The following PRSS23 variants were observed in gnomAD, a reference collection of about 807,000 sequenced individuals.
The protein encoded by PRSS23 is protease, serine 23.
PRSS23 carries 25 observed loss-of-function variants against 34.7 expected under a neutral mutation model. The observed-to-expected ratio is 0.72, with a 90% CI of 0.53 to 1.01. PRSS23 has a LOEUF of 1.01. PRSS23 is among the 50% of genes least tolerant of loss of function. The pLI is 0.00. For missense variants in PRSS23, 445 were observed against 475.6 expected (o/e 0.94, Z 0.60); for synonymous variants, 176 against 186.6 (o/e 0.94, Z 0.46).
At chr11:86,847,100 C>G (rs1364927884) in intron 2 of PRSS23, among the ~76,000 whole-genome samples, 2 of 152,098 alleles carry the variant, frequency 1.3e-5, no homozygotes, top group Non-Finnish European at 2.9e-5. Flanking sequence ...ATACTGGTAC[C>G]ACCTTGAGAG....
chr11:86,803,734 T>C (rs941347800), intron 1 of PRSS23, among the ~76,000 whole-genome samples: 2 of 152,076 alleles, frequency 1.3e-5, no homozygotes, highest in African/African-American at 4.8e-5. Context: ...AAAGCTGCCT[T>C]CTGCTGGAGT....
intron 2 of PRSS23, among the ~76,000 whole-genome samples, chr11:86,908,495 C>G (rs1225378330): frequency 6.6e-6 from 1 of 152,182 alleles, no homozygotes; most frequent in African/African-American, 2.4e-5. Flanking sequence ...AAGAAATGCC[C>G]TTGGGCTGTC....
At chr11:86,916,492 A>G (rs1949013619) in intron 2 of PRSS23, among the ~76,000 whole-genome samples, 1 of 152,180 alleles carries the variant, frequency 6.6e-6, no homozygotes, top group African/African-American at 2.4e-5. Context: ...TTCTTCATTT[A>G]CTTTGGGTGG....
intron 2 of PRSS23, among the ~76,000 whole-genome samples, chr11:86,859,700 A>G (rs1948599441): frequency 1.3e-5 from 2 of 151,962 alleles, no homozygotes; most frequent in Admixed American, 1.3e-4. Flanking sequence ...CAGAAAGTGT[A>G]CACCCCCCCT....
intron 2 of PRSS23, among the ~76,000 whole-genome samples, chr11:86,907,045 G>A (rs988137645): frequency 6.6e-6 from 1 of 152,156 alleles, no homozygotes; most frequent in Non-Finnish European, 1.5e-5. Flanking sequence ...AATGAGCTGC[G>A]TTGTTTTTAT....
chr11:86,851,077 A>G (rs1042728153), intron 2 of PRSS23, among the ~76,000 whole-genome samples: 6 of 152,226 alleles, frequency 3.9e-5, no homozygotes, highest in African/African-American at 1.4e-4. Context: ...ACCCCTTGCC[A>G]TACAGATAAG....
chr11:86,800,378 T>C, upstream of PRSS23: 1 of 915,634 alleles, frequency 1.1e-6, no homozygotes, highest in Non-Finnish European at 1.3e-6. Context: ...TGCTCCACCC[T>C]GCTCCGGCCG....
intron 2 of PRSS23, among the ~76,000 whole-genome samples, chr11:86,906,037 A>C (rs1948939709): frequency 1.3e-5 from 2 of 152,184 alleles, no homozygotes; most frequent in Non-Finnish European, 2.9e-5. Context: ...TTATCTTGAG[A>C]GCCTACTCCA....
At chr11:86,854,077 T>C (rs1948551145) in intron 2 of PRSS23, among the ~76,000 whole-genome samples, 1 of 152,164 alleles carries the variant, frequency 6.6e-6, no homozygotes, top group African/African-American at 2.4e-5. Context: ...CTCGGCTCAC[T>C]GCAAGCTCCG....
intron 2 of PRSS23, among the ~76,000 whole-genome samples, chr11:86,916,734 AG>A (rs1949015417): frequency 6.6e-6 from 1 of 152,054 alleles, no homozygotes; most frequent in Admixed American, 6.5e-5. Context: ...AGGAATGTGT[AG>A]GGGCCTCCCA....
At chr11:86,857,362 A>T (rs1270855447) in intron 2 of PRSS23, 1 of 272,298 alleles carries the variant, frequency 3.7e-6, no homozygotes, top group African/African-American at 2.3e-5. Flanking sequence ...AGACAAAAGG[A>T]TCCCTGAAAT....
chr11:86,860,034 G>A (rs754454528), intron 2 of PRSS23, among the ~76,000 whole-genome samples: 12 of 151,916 alleles, frequency 7.9e-5, no homozygotes, highest in Non-Finnish European at 1.6e-4. Flanking sequence ...AAGGGGGAGA[G>A]GATAATATTA....
intron 2 of PRSS23, among the ~76,000 whole-genome samples, chr11:86,898,818 C>A (rs901244319): frequency 2.6e-5 from 4 of 152,188 alleles, no homozygotes; most frequent in African/African-American, 9.7e-5. Context: ...ATGGAGAAAA[C>A]AAGGCACACC....
intron 2 of PRSS23, among the ~76,000 whole-genome samples, chr11:86,834,064 A>G (rs1357713536): frequency 1.3e-5 from 2 of 152,176 alleles, no homozygotes; most frequent in Non-Finnish European, 2.9e-5. Flanking sequence ...TCGATTCTGG[A>G]AGAGACAAAC....
intron 2 of PRSS23, among the ~76,000 whole-genome samples, chr11:86,883,815 G>A (rs1383302955): frequency 6.6e-6 from 1 of 151,968 alleles, no homozygotes; most frequent in Non-Finnish European, 1.5e-5. Context: ...AATTTCCCTT[G>A]TGATTTTTCT....
upstream of PRSS23, among the ~76,000 whole-genome samples, chr11:86,798,310 C>T (rs1244029427): frequency 6.6e-6 from 1 of 152,200 alleles, no homozygotes; most frequent in East Asian, 1.9e-4. Flanking sequence ...CCTGTGTGTA[C>T]TAGTCTTTGG....
At chr11:86,900,781 C>CTCTCTCTCTTTTT (rs775258446) in intron 2 of PRSS23, among the ~76,000 whole-genome samples, 2 of 94,018 alleles carry the variant, frequency 2.1e-5, no homozygotes, top group African/African-American at 4.5e-5. Context: ...ATCTCTCTCT[C>CTCTCTCTCTTTTT]TTTTTTTTTT....
chr11:86,932,147 G>C (rs1235595913), intron 2 of PRSS23, among the ~76,000 whole-genome samples: 2 of 152,110 alleles, frequency 1.3e-5, no homozygotes, highest in Admixed American at 1.3e-4. Context: ...CATGTGGTTG[G>C]TTTGTCACAG....
intron 2 of PRSS23, among the ~76,000 whole-genome samples, chr11:86,847,762 G>T (rs907120623): frequency 6.6e-6 from 1 of 152,184 alleles, no homozygotes; most frequent in Non-Finnish European, 1.5e-5. Context: ...GGCCCCCTGA[G>T]GGATGTATTA....
Sources: gnomAD v4.1 joint callset for allele counts (sites outside exome capture counted in the v4.1 genomes callset) on GRCh38, gnomAD v4.1.1 for gene constraint, MANE v1.5 for transcripts, NCBI Gene and HGNC (gene_info 2026-07-23, HGNC 2026-07-21) for gene names.